The following CFAP77 variants were observed in gnomAD, a reference collection of about 807,000 sequenced individuals.
CFAP77 encodes the protein cilia- and flagella-associated protein 77.
Under a neutral mutation model 31.1 loss-of-function variants are expected in CFAP77, and 25 were observed. That is an observed-to-expected ratio of 0.80 (90% confidence interval 0.59 to 1.12). The LOEUF (loss-of-function observed/expected upper bound fraction) is 1.12. CFAP77 is among the 50% of genes most tolerant of loss of function. The pLI is 0.00. For missense variants in CFAP77, 377 were observed against 397.3 expected (o/e 0.95, Z 0.44); for synonymous variants, 151 against 159.9 (o/e 0.94, Z 0.42).
intron 1 of CFAP77, among the ~76,000 whole-genome samples, chr9:132,428,853 A>T (rs1338208620): frequency 6.6e-6 from 1 of 151,870 alleles, no homozygotes; most frequent in Non-Finnish European, 1.5e-5. Flanking sequence ...CCAGGCTGCG[A>T]TGGTGTTGGT....
At chr9:132,413,072 G>A (rs1381329908) in intron 1 of CFAP77, among the ~76,000 whole-genome samples, 1 of 152,104 alleles carries the variant, frequency 6.6e-6, no homozygotes, top group Non-Finnish European at 1.5e-5. Context: ...GAAGACTATA[G>A]CACCTTAGAA....
chr9:132,553,080 T>C (rs1443305078), intron 5 of CFAP77, among the ~76,000 whole-genome samples: 2 of 152,218 alleles, frequency 1.3e-5, no homozygotes, highest in Non-Finnish European at 2.9e-5. Context: ...GGTGCCAGCA[T>C]GATCAGGTTC....
chr9:132,568,361 C>T (rs1829914554), intron 5 of CFAP77, among the ~76,000 whole-genome samples: 3 of 152,002 alleles, frequency 2.0e-5, no homozygotes. Context: ...TCCAGACCAG[C>T]CTGGCCAACA....
intron 1 of CFAP77, among the ~76,000 whole-genome samples, chr9:132,410,709 T>C (rs1292257109): frequency 1.3e-5 from 2 of 152,162 alleles, no homozygotes; most frequent in Admixed American, 6.5e-5. Context: ...ATTGGGAAGA[T>C]TGAATAGGGT....
At chr9:132,494,755 T>C (rs1197074369) in intron 1 of CFAP77, among the ~76,000 whole-genome samples, 1 of 152,228 alleles carries the variant, frequency 6.6e-6, no homozygotes, top group Non-Finnish European at 1.5e-5. Context: ...GTGAATTTTT[T>C]CTTTGCATTT....
At chr9:132,523,042 C>T (rs1852296787) in intron 3 of CFAP77, among the ~76,000 whole-genome samples, 1 of 152,052 alleles carries the variant, frequency 6.6e-6, no homozygotes, top group Non-Finnish European at 1.5e-5. Context: ...TGCTCCCCTG[C>T]CTCGGGCCTC....
intron 5 of CFAP77, among the ~76,000 whole-genome samples, chr9:132,571,813 C>T (rs1485184001): frequency 6.6e-6 from 1 of 151,970 alleles, no homozygotes; most frequent in Non-Finnish European, 1.5e-5. Context: ...GAAGAAAGGG[C>T]AGGCTGAGAT....
chr9:132,525,318 C>A (rs998310274), intron 3 of CFAP77, among the ~76,000 whole-genome samples: 1 of 152,078 alleles, frequency 6.6e-6, no homozygotes, highest in Non-Finnish European at 1.5e-5. Flanking sequence ...CCACGCTCGG[C>A]CCCAGTATGA....
rs143449899 is a variant in CFAP77 at position 132,568,173 on chromosome 9, A to G, written c.733-4215A>G. The stretch of plus-strand genomic sequence containing the variant: ...TGGCTGCCAGGGACTTGGAAATGGG[A>G]GCTGCTATTCAAGGGGTATAGTTTC... On this transcript the variant is annotated intron_variant, in intron 5 of 5. Transcript: ENST00000393216. Among the ~76,000 whole-genome samples, 16 of 152,280 alleles carry G rather than the reference A, an allele frequency of 1.1e-4. No homozygotes were observed. In the East Asian group the frequency reaches 3.1e-3, roughly 29 times the overall value.
In CFAP77 at chr9:132,490,070, C is replaced by T. The variant is rs897134612; in HGVS notation, c.196-8625C>T. Among the ~76,000 whole-genome samples, 5 of 152,094 alleles carry T rather than the reference C, an allele frequency of 3.3e-5. No individual in the cohort carries two copies. The highest frequency in any genetic ancestry group is 7.4e-5 in the Non-Finnish European group (5 of 68,022). On this transcript the variant is annotated intron_variant, in intron 1 of 5. Transcript: ENST00000393216. The surrounding 1 kb of genome is among the most constrained non-coding windows in gnomAD (Gnocchi z 4.6). ...CTAGTCTTTGCTTCCAAGATGGTGC[C>T]TTGGTGCTGTATCCCCCAGGGTGGG...
intron 5 of CFAP77, among the ~76,000 whole-genome samples, chr9:132,547,090 G>C (rs992786249): frequency 6.6e-6 from 1 of 152,194 alleles, no homozygotes; most frequent in Non-Finnish European, 1.5e-5. Context: ...GGAGCCGCTG[G>C]GCTGGGGCTG....
intron 1 of CFAP77, among the ~76,000 whole-genome samples, chr9:132,433,059 G>A (rs189348005): frequency 1.7e-3 from 255 of 151,876 alleles, no homozygotes; most frequent in African/African-American, 5.5e-3. Context: ...ATGTTGCCCA[G>A]GCTGGTCTCA....
intron 1 of CFAP77, among the ~76,000 whole-genome samples, chr9:132,456,042 T>C (rs1850906728): frequency 6.6e-6 from 1 of 152,192 alleles, no homozygotes; most frequent in Admixed American, 6.5e-5. Context: ...GAAATGTGAG[T>C]GCTGGGCCTG....
intron 1 of CFAP77, among the ~76,000 whole-genome samples, chr9:132,449,266 TGCACTCACCCTCCTCTCCTACTCCTGGC>T: frequency 1.3e-5 from 1 of 78,042 alleles, no homozygotes; most frequent in African/African-American, 5.2e-5. Context: ...TTTGCTCCCT[TGCACTCACCCTCCTCTCCTACTCCTGGC>T]TGCACTCACC....
intron 3 of CFAP77, among the ~76,000 whole-genome samples, chr9:132,534,394 C>T (rs568485125): frequency 2.6e-5 from 4 of 151,928 alleles, no homozygotes; most frequent in Admixed American, 1.3e-4. Flanking sequence ...GGGTGGATCA[C>T]GAGGTCAGGA....
intron 1 of CFAP77, among the ~76,000 whole-genome samples, chr9:132,460,068 A>G (rs939138611): frequency 3.3e-5 from 5 of 152,202 alleles, no homozygotes; most frequent in African/African-American, 1.2e-4. Flanking sequence ...CTTTGTAAGC[A>G]GAAGGGCTTC....
chr9:132,562,935 T>C (rs1447162309), intron 5 of CFAP77, among the ~76,000 whole-genome samples: 2 of 152,202 alleles, frequency 1.3e-5, no homozygotes, highest in Non-Finnish European at 1.5e-5. Context: ...CCTGACCTCG[T>C]GATCTGCCTG....
chr9:132,470,189 G>A, intron 1 of CFAP77, among the ~76,000 whole-genome samples: 1 of 152,158 alleles, frequency 6.6e-6, no homozygotes, highest in East Asian at 1.9e-4. Flanking sequence ...ATCTCCGTGT[G>A]CAGCAATGAC....
chr9:132,557,363 C>T (rs867206599), intron 5 of CFAP77, among the ~76,000 whole-genome samples: 1 of 152,180 alleles, frequency 6.6e-6, no homozygotes, highest in Admixed American at 6.5e-5. Flanking sequence ...GAGCCACCGC[C>T]GTGGGGGCAC....
Sources: allele counts gnomAD v4.1 joint callset (sites outside exome capture counted in the v4.1 genomes callset), GRCh38; gene constraint gnomAD v4.1.1; non-coding constraint Gnocchi (gnomAD v3.1); transcripts MANE v1.5; gene names NCBI Gene and HGNC (gene_info 2026-07-23, HGNC 2026-07-21).